Variants in MACROD2 observed in about 807,000 individuals in gnomAD.
MACROD2 encodes ADP-ribose glycohydrolase MACROD2.
Under a neutral mutation model 70.4 loss-of-function variants are expected in MACROD2, and 36 were observed. The ratio of observed to expected loss-of-function variants is 0.51; its 90% CI spans 0.39 to 0.68. The LOEUF (loss-of-function observed/expected upper bound fraction) is 0.68. Ranked by LOEUF, MACROD2 falls within the 30% of genes least tolerant of loss-of-function variation. The pLI is 0.00. For missense variants in MACROD2, 496 were observed against 538.4 expected (o/e 0.92, Z 0.78); for synonymous variants, 172 against 178.8 (o/e 0.96, Z 0.30).
intron 8 of MACROD2, among the ~76,000 whole-genome samples, chr20:15,607,825 C>T (rs567109284): frequency 9.2e-5 from 14 of 152,292 alleles, no homozygotes; most frequent in South Asian, 6.2e-4. Context: ...TAAGTTACCG[C>T]GCCCGGCTGC....
At chr20:15,010,915 T>C (rs1471842685) in intron 5 of MACROD2, among the ~76,000 whole-genome samples, 1 of 152,172 alleles carries the variant, frequency 6.6e-6, no homozygotes, top group Admixed American at 6.5e-5. Flanking sequence ...CCCATGTTTT[T>C]CCTCCAAAAT....
At chr20:14,703,810 T>A (rs1332061180) in intron 5 of MACROD2, among the ~76,000 whole-genome samples, 1 of 152,150 alleles carries the variant, frequency 6.6e-6, no homozygotes, top group East Asian at 1.9e-4. Flanking sequence ...CACTGCAACC[T>A]CTGCTTCCCA....
chr20:14,763,941 C>T (rs1302582199), intron 5 of MACROD2, among the ~76,000 whole-genome samples: 1 of 152,096 alleles, frequency 6.6e-6, no homozygotes, highest in Non-Finnish European at 1.5e-5. Flanking sequence ...TCACAAACCT[C>T]AGATATATGT....
intron 8 of MACROD2, among the ~76,000 whole-genome samples, chr20:15,508,959 C>G (rs563838247): frequency 6.6e-6 from 1 of 152,244 alleles, no homozygotes; most frequent in South Asian, 2.1e-4. Flanking sequence ...CAATGGCCAC[C>G]CATTTTAAGT....
intron 5 of MACROD2, among the ~76,000 whole-genome samples, chr20:14,933,679 T>C (rs1456664296): frequency 1.3e-5 from 2 of 151,946 alleles, no homozygotes; most frequent in African/African-American, 4.8e-5. Flanking sequence ...AGTCATTCAG[T>C]GTCTCAAACT....
chr20:15,951,742 ACATAAAGGTCT>A (rs2065908824), intron 12 of MACROD2, among the ~76,000 whole-genome samples: 1 of 152,184 alleles, frequency 6.6e-6, no homozygotes, highest in Non-Finnish European at 1.5e-5. Context: ...CCTGACTCAT[ACATAAAGGTCT>A]CATAAAGATC....
intron 6 of MACROD2, among the ~76,000 whole-genome samples, chr20:15,268,957 T>A (rs1044727705): frequency 7.2e-5 from 11 of 152,206 alleles, no homozygotes; most frequent in Non-Finnish European, 7.3e-5. Context: ...TTTCTGCAAT[T>A]TGTCTTCTCA....
intron 12 of MACROD2, among the ~76,000 whole-genome samples, chr20:15,947,793 C>T (rs1227053776): frequency 6.6e-6 from 1 of 152,086 alleles, no homozygotes; most frequent in African/African-American, 2.4e-5. Context: ...AATTGAGAGC[C>T]TTGCATAAAA....
rs904743279 is a variant in MACROD2 at position 15,250,173 on chromosome 20, A to G, written c.540+20112A>G. Among the ~76,000 whole-genome samples, 3 of 151,772 alleles carry G rather than the reference A, an allele frequency of 2.0e-5. No individual in the cohort carries two copies. In the East Asian group the frequency reaches 5.8e-4, roughly 30 times the overall value. ...TCCATCTGTCAAGATTACCTTCCTC[A>G]CCTCCCCACCACCTTCACCAGCCCT... On this transcript the variant is annotated intron_variant, in intron 6 of 17. Transcript: ENST00000684519.
intron 5 of MACROD2, among the ~76,000 whole-genome samples, chr20:15,058,299 C>T (rs977049303): frequency 6.6e-6 from 1 of 152,114 alleles, no homozygotes. Context: ...TGTCCCCCAA[C>T]CCCAGCAACC....
intron 5 of MACROD2, among the ~76,000 whole-genome samples, chr20:14,738,680 T>C (rs1052625730): frequency 4.0e-5 from 6 of 151,874 alleles, no homozygotes; most frequent in African/African-American, 1.4e-4. Flanking sequence ...TATATATTTA[T>C]GTATATGTAT....
At chr20:15,808,350 A>T (rs2147082674) in intron 8 of MACROD2, among the ~76,000 whole-genome samples, 2 of 152,290 alleles carry the variant, frequency 1.3e-5, no homozygotes, top group Middle Eastern at 6.8e-3. Context: ...AATTCACCTA[A>T]CAACATTGTA....
intron 5 of MACROD2, among the ~76,000 whole-genome samples, chr20:14,974,066 T>C (rs191377790): frequency 1.8e-3 from 268 of 152,296 alleles, no homozygotes; most frequent in Non-Finnish European, 2.5e-3. Context: ...TGCATCACTA[T>C]AGGCAATATG....
chr20:14,585,743 G>GA (rs1981331783), intron 4 of MACROD2, among the ~76,000 whole-genome samples: 1 of 152,054 alleles, frequency 6.6e-6, no homozygotes, highest in East Asian at 1.9e-4. Context: ...CCATTGCAAA[G>GA]AAAAATAGTT....
chr20:15,539,239 G>C (rs1187221645), intron 8 of MACROD2, among the ~76,000 whole-genome samples: 1 of 152,136 alleles, frequency 6.6e-6, no homozygotes, highest in Non-Finnish European at 1.5e-5. Context: ...TAAATCCATG[G>C]TATATTGTCT....
intron 3 of MACROD2, among the ~76,000 whole-genome samples, chr20:14,281,890 C>T (rs1444689688): frequency 6.8e-6 from 1 of 147,704 alleles, no homozygotes. Context: ...AGCTGAGATC[C>T]CACCACAGCA....
intron 6 of MACROD2, among the ~76,000 whole-genome samples, chr20:15,324,892 A>G (rs937150157): frequency 4.6e-5 from 7 of 152,194 alleles, no homozygotes; most frequent in Non-Finnish European, 1.0e-4. Context: ...AAATATTTAC[A>G]AGTTTGCATA....
At chr20:15,092,793 C>T (rs1467845539) in intron 5 of MACROD2, among the ~76,000 whole-genome samples, 2 of 152,092 alleles carry the variant, frequency 1.3e-5, no homozygotes, top group Non-Finnish European at 2.9e-5. Flanking sequence ...TAACAAAATT[C>T]ATAATTTTTG....
intron 5 of MACROD2, among the ~76,000 whole-genome samples, chr20:14,748,599 T>C (rs1373839243): frequency 1.3e-5 from 2 of 152,106 alleles, no homozygotes; most frequent in African/African-American, 4.8e-5. Flanking sequence ...ATAAAATAAA[T>C]TGACTTAAAT....
Sources: allele counts gnomAD v4.1 joint callset (sites outside exome capture counted in the v4.1 genomes callset), GRCh38; gene constraint gnomAD v4.1.1; transcripts MANE v1.5; gene names NCBI Gene and HGNC (gene_info 2026-07-23, HGNC 2026-07-21).